The following PACRG variants were observed in gnomAD, a reference collection of about 807,000 sequenced individuals.
PACRG encodes the protein parkin coregulated gene protein.
A neutral mutation model predicts 29.7 loss-of-function variants in PACRG; 29 were observed. That is an observed-to-expected ratio of 0.98 (90% CI 0.73 to 1.33). The LOEUF (loss-of-function observed/expected upper bound fraction) is 1.33. PACRG is among the 40% of genes most tolerant of loss of function. PACRG has a pLI of 0.00. For missense variants in PACRG, 279 were observed against 316.2 expected, an observed-to-expected ratio of 0.88 and a Z score of 0.89; for synonymous variants, 116 against 118.7, an observed-to-expected ratio of 0.98 and a Z score of 0.15.
chr6:162,903,704 C>T (rs1200673551), intron 2 of PACRG, among the ~76,000 whole-genome samples: 1 of 152,182 alleles, frequency 6.6e-6, no homozygotes, highest in Non-Finnish European at 1.5e-5. Flanking sequence ...GGTGGAGACA[C>T]AGCCAAACCG....
At chr6:162,926,289 T>C (rs1040413714) in intron 2 of PACRG, among the ~76,000 whole-genome samples, 2 of 151,968 alleles carry the variant, frequency 1.3e-5, no homozygotes, top group African/African-American at 4.8e-5. Flanking sequence ...TTCTTCAAAG[T>C]ATTAGAAAAA....
At chr6:163,200,756 T>C (rs1414348726) in intron 4 of PACRG, among the ~76,000 whole-genome samples, 1 of 152,236 alleles carries the variant, frequency 6.6e-6, no homozygotes, top group Admixed American at 6.5e-5. Flanking sequence ...TTTAGATACC[T>C]TTTTAATAGG....
rs564824180 is a variant in PACRG at position 163,160,052 on chromosome 6, G to A, written c.613+70644G>A. ...ATTATTTTTCATTTTGATTATTTTC[G>A]CTGTGTGTTGGGAATCACTATGAGG... On this transcript the variant is annotated intron_variant, in intron 4 of 4. Coordinates refer to ENST00000366888, the MANE Select transcript of PACRG (RefSeq NM_001080379.2). 4.6e-5 allele frequency among the ~76,000 whole-genome samples: 7 copies of A among 152,172 alleles called. No individual in the cohort carries two copies. The South Asian group carries it at 6.2e-4, about 14-fold the overall frequency.
At chr6:163,096,584 G>T (rs1420877530) in intron 4 of PACRG, among the ~76,000 whole-genome samples, 2 of 152,158 alleles carry the variant, frequency 1.3e-5, no homozygotes, top group Non-Finnish European at 2.9e-5. Flanking sequence ...CCGTGCCTTA[G>T]TCTCCATAAT....
At chr6:162,734,522 A>T (rs1022313182) in intron 1 of PACRG, among the ~76,000 whole-genome samples, 1 of 151,906 alleles carries the variant, frequency 6.6e-6, no homozygotes, top group Non-Finnish European at 1.5e-5. Flanking sequence ...TGCTGTTTTT[A>T]TTATTTCAAG....
intron 1 of PACRG, among the ~76,000 whole-genome samples, chr6:162,760,115 G>C (rs768353415): frequency 6.6e-5 from 10 of 152,286 alleles, no homozygotes; most frequent in Non-Finnish European, 1.5e-4. Context: ...GCAGCAGTCA[G>C]TCGTCGGCTA....
At chr6:162,895,271 CAAAAAAA>C (rs35275122) in intron 2 of PACRG, among the ~76,000 whole-genome samples, 2 of 93,582 alleles carry the variant, frequency 2.1e-5, no homozygotes, top group Non-Finnish European at 4.4e-5. Context: ...CCCTCTCTCT[CAAAAAAA>C]AAAAAAAAAA....
At chr6:163,150,659 G>A (rs936178781) in intron 4 of PACRG, among the ~76,000 whole-genome samples, 1 of 152,140 alleles carries the variant, frequency 6.6e-6, no homozygotes, top group African/African-American at 2.4e-5. Context: ...TGCTCCCTCT[G>A]TGCTCCTACC....
At chr6:163,289,193 G>A (rs868545040) in intron 4 of PACRG, among the ~76,000 whole-genome samples, 2 of 152,160 alleles carry the variant, frequency 1.3e-5, no homozygotes, top group Non-Finnish European at 2.9e-5. Flanking sequence ...TGAACCCTGC[G>A]CCAGTTCCCA....
intron 2 of PACRG, among the ~76,000 whole-genome samples, chr6:162,989,845 G>C (rs1281400968): frequency 6.6e-6 from 1 of 150,842 alleles, no homozygotes; most frequent in Non-Finnish European, 1.5e-5. Context: ...CCACTAACTC[G>C]TCATCTAGCC....
At chr6:163,159,917 C>A (rs554904694) in intron 4 of PACRG, among the ~76,000 whole-genome samples, 1 of 152,330 alleles carries the variant, frequency 6.6e-6, no homozygotes, top group East Asian at 1.9e-4. Context: ...CTCCTGCCTC[C>A]TTCCAGGATG....
intron 4 of PACRG, among the ~76,000 whole-genome samples, chr6:163,259,029 C>T (rs995201591): frequency 2.0e-5 from 3 of 152,128 alleles, no homozygotes; most frequent in Non-Finnish European, 4.4e-5. Context: ...GTTCATAAAT[C>T]GTCTCCACAT....
At chr6:163,136,622 T>G (rs1816946561) in intron 4 of PACRG, among the ~76,000 whole-genome samples, 1 of 152,246 alleles carries the variant, frequency 6.6e-6, no homozygotes, top group Admixed American at 6.5e-5. Context: ...TGAAAACACT[T>G]TGCTGTTTAC....
chr6:162,748,934 A>C (rs1781303567), intron 1 of PACRG, among the ~76,000 whole-genome samples: 1 of 151,664 alleles, frequency 6.6e-6, no homozygotes, highest in African/African-American at 2.4e-5. Context: ...AATCCCTCAC[A>C]CTCACTCCTT....
intron 4 of PACRG, among the ~76,000 whole-genome samples, chr6:163,230,034 G>C (rs1368975262): frequency 3.3e-5 from 5 of 152,182 alleles, no homozygotes; most frequent in Non-Finnish European, 2.9e-5. Flanking sequence ...CTCTACAGTG[G>C]CATCAGAAAC....
At chr6:163,231,442 C>T (rs562565807) in intron 4 of PACRG, among the ~76,000 whole-genome samples, 4 of 152,244 alleles carry the variant, frequency 2.6e-5, no homozygotes, top group Non-Finnish European at 5.9e-5. Context: ...AAGTCTGCAC[C>T]GGCGCTGCAT....
At chr6:162,809,273 G>A (rs1786629499) in intron 1 of PACRG, among the ~76,000 whole-genome samples, 1 of 151,876 alleles carries the variant, frequency 6.6e-6, no homozygotes, top group Admixed American at 6.6e-5. Context: ...AGTTAGTTTA[G>A]AATGGATCTA....
intron 4 of PACRG, among the ~76,000 whole-genome samples, chr6:163,307,913 A>T (rs1021284559): frequency 6.6e-6 from 1 of 152,208 alleles, no homozygotes; most frequent in Non-Finnish European, 1.5e-5. Context: ...TCCAGAAAAG[A>T]CCAGATTGGA....
intron 2 of PACRG, among the ~76,000 whole-genome samples, chr6:162,822,422 A>T (rs1787920351): frequency 6.6e-6 from 1 of 152,222 alleles, no homozygotes; most frequent in African/African-American, 2.4e-5. Context: ...CACAAAGTTC[A>T]TTATGTATGA....
Sources: gnomAD v4.1 joint callset for allele counts (sites outside exome capture counted in the v4.1 genomes callset) on GRCh38, gnomAD v4.1.1 for gene constraint, MANE v1.5 for transcripts, NCBI Gene and HGNC (gene_info 2026-07-23, HGNC 2026-07-21) for gene names.